The following CHD8 variants were observed in gnomAD, a reference collection of about 807,000 sequenced individuals.
The protein encoded by CHD8 is chromodomain helicase DNA binding protein 8.
A neutral mutation model predicts 279.2 loss-of-function variants in CHD8; 31 were observed. That is an observed-to-expected ratio of 0.11 (90% CI 0.08 to 0.15). CHD8 has a LOEUF of 0.15. CHD8 is among the 10% of genes least tolerant of loss of function. CHD8 has a pLI of 1.00. For missense variants in CHD8, 2,146 were observed against 3,230.5 expected, an observed-to-expected ratio of 0.66 and a Z score of 8.14; for synonymous variants, 1,081 against 1,139.6, an observed-to-expected ratio of 0.95 and a Z score of 1.04.
At chr14:21,419,133 TCTA>T (rs931593860) in intron 5 of CHD8, among the ~76,000 whole-genome samples, 12 of 152,256 alleles carry the variant, frequency 7.9e-5, no homozygotes. Flanking sequence ...GAAGATACTT[TCTA>T]CTTTTTACTT....
At position 21,408,950 on chromosome 14, in the gene CHD8, T is replaced by C. The variant is rs1391524697; in HGVS notation, c.2365-125A>G. Reference sequence around the variant, plus strand: ...TGTTTGGATTAAAACATGTCAAATATATTTAAATTTATGAGTTCATAACGT... The same window carrying C: ...TGTTTGGATTAAAACATGTCAAATACATTTAAATTTATGAGTTCATAACGT... On this transcript the variant is annotated intron_variant, in intron 11 of 37. Transcript: ENST00000646647. This position sits in a 1 kb window ranked among gnomAD's most constrained non-coding sequence, Gnocchi z 4.3. 9 of 995,032 alleles carry C rather than the reference T, an allele frequency of 9.0e-6. No homozygotes were observed. The highest frequency in any genetic ancestry group is 1.0e-5 in the Non-Finnish European group (7 of 692,788). The allele number at this position is 995,032 out of a possible 1,614,324, so 61.6% of individuals were successfully genotyped here. A position where few individuals can be genotyped will look rare whatever the true frequency, so the allele number is the denominator to read the frequency against.
At chr14:21,449,849 G>A (rs1186407002) in intron 1 of CHD8, among the ~76,000 whole-genome samples, 1 of 152,164 alleles carries the variant, frequency 6.6e-6, no homozygotes, top group Non-Finnish European at 1.5e-5. Context: ...ACTTTCAGGA[G>A]CGTAGTGAAA....
chr14:21,401,826 T>C, intron 20 of CHD8, 131 bp downstream of exon 20: 1 of 815,752 alleles, frequency 1.2e-6, no homozygotes, highest in Non-Finnish European at 1.9e-6. Context: ...CCTCAAGTGA[T>C]CTGCCCGCCT....
In CHD8 at chr14:21,408,272, C is replaced by A; in HGVS notation, c.2730+40G>T. The A allele has an allele frequency of 3.1e-6, 5 of 1,593,226 alleles. No individual in the cohort carries two copies. The highest frequency in any genetic ancestry group is 4.3e-6 in the Non-Finnish European group (5 of 1,169,096). On this transcript the variant is annotated intron_variant, in intron 13 of 37. Coordinates refer to ENST00000646647, the MANE Select transcript of CHD8 (RefSeq NM_001170629.2). This position sits in a 1 kb window ranked among gnomAD's most constrained non-coding sequence, Gnocchi z 4.3. ...TTAAAATACCAGGTACCTTGGCCGA[C>A]TTTCTCTAACTCATAGTATTCCCAA...
Position 21,394,106 on chromosome 14 carries a change from G to A in CHD8, c.5689C>T (p.Arg1897Trp). 6.2e-7 allele frequency: 1 copy of A among 1,613,716 alleles called. No homozygotes were observed. The highest frequency in any genetic ancestry group is 8.5e-7 in the Non-Finnish European group (1 of 1,179,794). The change falls in exon 32 of 38, where the codon CGG becomes TGG. Residue 1897 changes from arginine to tryptophan, a missense_variant. Physicochemically the swap from Arg to Trp is moderately radical, Grantham distance 101. This residue lies in a region of CHD8 where 513 missense variants were observed against 637.6 expected (regional missense o/e 0.80). Transcript: ENST00000646647. Reference sequence around the variant, plus strand: ...AGGGGGTGGCATAAAACTTGTTCCCGTAAGCGCCGAAGCAATTCTATACGG... The same window carrying A: ...AGGGGGTGGCATAAAACTTGTTCCCATAAGCGCCGAAGCAATTCTATACGG... ...LYRIELLRRL[R>W]EQVLCHPLLE...
Position 21,391,935 on chromosome 14 carries a change from C to T in CHD8, c.6783G>A (p.Leu2261=). The T allele has an allele frequency of 6.2e-7, 1 of 1,612,958 alleles. No individual in the cohort carries two copies. Among genetic ancestry groups the T allele is most frequent in the Middle Eastern group, 1.7e-4 (1 of 6,060 alleles). The change falls in exon 35 of 38, where the codon TTG becomes TTA. Residue 2261 remains leucine, a synonymous_variant. Transcript: ENST00000646647. ...ACTTGTGCTTCTGGAATGTTAACTT[C>T]AATCCTTCCTCCTAGGAAGACAACC... ...FTVQIKDEEG[L]KLTFQKHKLM... is the part of the protein sequence containing the mutation.
rs908060624 is a variant in CHD8 at position 21,437,443 on chromosome 14, G to A, written c.-215-5585C>T. ...AGAGGCCTATCCGGTTTCTAGGGCCGAGGCGAAGCCTGCAGCTTGCTTGAA... is the reference window on the plus strand; with the variant it reads ...AGAGGCCTATCCGGTTTCTAGGGCCAAGGCGAAGCCTGCAGCTTGCTTGAA... On this transcript the variant is annotated intron_variant, in intron 1 of 37. Transcript: ENST00000646647. The A allele has an allele frequency of 1.5e-4, 29 of 191,646 alleles. 1 individual carries two copies. The highest frequency in any genetic ancestry group is 1.4e-3 in the Admixed American group (25 of 17,840). 11.9% of individuals were successfully genotyped at this position (191,646 alleles called of 1,614,324 possible).
At position 21,400,059 on chromosome 14, in the gene CHD8, C is replaced by T. The variant is rs777625367; in HGVS notation, c.4739G>A (p.Arg1580Gln). Residue 1580 changes from arginine to glutamine, a missense_variant, in exon 25 of 38, where the codon CGG (arginine) becomes CAG (glutamine). By Grantham distance (43) the Arg-to-Gln change is conservative (BLOSUM62 1). This residue lies in a region of CHD8 where 4 missense variants were observed against 33.0 expected (regional missense o/e 0.12). Coordinates refer to ENST00000646647, the MANE Select transcript of CHD8 (RefSeq NM_001170629.2). The surrounding 1 kb of genome is among the most constrained non-coding windows in gnomAD (Gnocchi z 4.2). ...CCTCAGGTAGTATAGCATTCGTACC[C>T]GCAACAGTACCCTAGAAAGGACAGA... ...LKHQCNKVLL[R>Q]VRMLYYLRQE... 3 of 1,613,504 alleles carry T rather than the reference C, an allele frequency of 1.9e-6. No individual in the cohort carries two copies. The highest frequency in any genetic ancestry group is 2.2e-5 in the South Asian group (2 of 91,080).
At chr14:21,455,589 T>C (rs1195138682) in intron 1 of CHD8, among the ~76,000 whole-genome samples, 1 of 152,082 alleles carries the variant, frequency 6.6e-6, no homozygotes, top group African/African-American at 2.4e-5. Flanking sequence ...CCCACCTTTA[T>C]TATTAAAATA....
In CHD8 at chr14:21,385,981, A is replaced by G. The variant is rs530890042; in HGVS notation, c.7378T>C (p.Leu2460=). 1 of 1,577,474 alleles carries G rather than the reference A, an allele frequency of 6.3e-7. No individual in the cohort carries two copies. The highest frequency in any genetic ancestry group is 1.2e-5 in the South Asian group (1 of 85,770). ...SSSGLQSVSS[L]GHSSATSASL... ...GCAGAAGTGGCACTGCTGTGACCCAAAGATGACACAGACTGTAGGCCACTA... is the reference window on the plus strand; with the variant it reads ...GCAGAAGTGGCACTGCTGTGACCCAGAGATGACACAGACTGTAGGCCACTA... The change falls in exon 38 of 38, where the codon TTG becomes CTG. Residue 2460 remains leucine (L), a synonymous_variant. Coordinates refer to ENST00000646647, the MANE Select transcript of CHD8 (RefSeq NM_001170629.2).
At position 21,400,326 on chromosome 14, in the gene CHD8, C is replaced by G; in HGVS notation, c.4571-19G>C. 6.2e-6 allele frequency: 10 copies of G among 1,613,252 alleles called. No homozygotes were observed. Among genetic ancestry groups the G allele is most frequent in the Non-Finnish European group, 7.6e-6 (9 of 1,179,676 alleles). ...GATAGACCTGGGAAAGGGGAGACAT[C>G]AAAGACTTGGATTGAGAAAAACCCT... is the stretch of plus-strand genomic sequence containing the variant. On this transcript the variant is annotated intron_variant, in intron 23 of 37. Coordinates refer to ENST00000646647, the MANE Select transcript of CHD8 (RefSeq NM_001170629.2). The surrounding 1 kb of genome is among the most constrained non-coding windows in gnomAD (Gnocchi z 4.2).
chr14:21,432,669 C>G (rs1166510030), intron 1 of CHD8, among the ~76,000 whole-genome samples: 2 of 152,186 alleles, frequency 1.3e-5, no homozygotes, highest in Non-Finnish European at 2.9e-5. Flanking sequence ...CACGTCCTCT[C>G]CATCCCAATG....
In CHD8 at chr14:21,400,348, C is replaced by T. The variant is rs369237386; in HGVS notation, c.4571-41G>A. Reference sequence around the variant, plus strand: ...CATCAAAGACTTGGATTGAGAAAAACCCTTGGACCTGAAAAGGATTAGATT... The same window carrying T: ...CATCAAAGACTTGGATTGAGAAAAATCCTTGGACCTGAAAAGGATTAGATT... On this transcript the variant is annotated intron_variant, in intron 23 of 37. Transcript: ENST00000646647. The surrounding 1 kb of genome is among the most constrained non-coding windows in gnomAD (Gnocchi z 4.2). The T allele has an allele frequency of 3.0e-5, 48 of 1,610,156 alleles. No individual in the cohort carries two copies. Among genetic ancestry groups the T allele is most frequent in the African/African-American group, 5.4e-5 (4 of 74,514 alleles).
Position 21,405,704 on chromosome 14 carries a change from T to C in CHD8, c.3051+17A>G, listed in dbSNP as rs1157446177. 4 of 1,612,902 alleles carry C rather than the reference T, an allele frequency of 2.5e-6. No individual in the cohort carries two copies. The highest frequency in any genetic ancestry group is 2.7e-5 in the African/African-American group (2 of 74,862). On this transcript the variant is annotated intron_variant, in intron 15 of 37. Transcript: ENST00000646647. This position sits in a 1 kb window ranked among gnomAD's most constrained non-coding sequence, Gnocchi z 4.2. ...TTCTTTGTCCTGAGTTAGTACCTCA[T>C]CAGATAGATTTCCTACCTGTTCCTC...
chr14:21,396,326 A>T (rs1671552387), intron 27 of CHD8, among the ~76,000 whole-genome samples: 1 of 151,268 alleles, frequency 6.6e-6, no homozygotes, highest in Non-Finnish European at 1.5e-5. Flanking sequence ...ATATTCTTTG[A>T]CACAGAGTCT....
chr14:21,397,727 T>G, intron 27 of CHD8, 96 bp downstream of exon 27: 3 of 1,289,728 alleles, frequency 2.3e-6, no homozygotes, highest in Non-Finnish European at 2.2e-6. Context: ...CACTTTTGAG[T>G]ATAATTACAA....
rs900914276 is a variant in CHD8 at position 21,430,843 on chromosome 14, G to C, written c.801C>G (p.Pro267=). Residue 267 remains proline (P), a synonymous_variant, in exon 2 of 38, where the codon CCC becomes CCG. Coordinates refer to ENST00000646647, the MANE Select transcript of CHD8 (RefSeq NM_001170629.2). ...TCAGTGTAACTGCAGGCTTCAGTGG[G>C]GGCCCTGTGGCCCCAGGGTTTCCAG... ...APAGNPGATG[P]PLKPAVTLTS... 3 of 1,599,120 alleles carry C rather than the reference G, an allele frequency of 1.9e-6. No homozygotes were observed. The African/African-American group carries it at 4.0e-5, about 21-fold the overall frequency.
intron 1 of CHD8, chr14:21,436,971 G>A: frequency 7.8e-7 from 1 of 1,284,698 alleles, no homozygotes; most frequent in South Asian, 1.2e-5. Flanking sequence ...GGTAACTGGA[G>A]ACCCCAAAAT....
rs1273177494 is a variant in CHD8, at chr14:21,394,068, C to A, written c.5727G>T (p.Arg1909=). The A allele has an allele frequency of 1.2e-6, 2 of 1,613,894 alleles. No individual in the cohort carries two copies. The highest frequency in any genetic ancestry group is 1.1e-5 in the South Asian group (1 of 91,076). The part of the protein sequence containing the change: ...QVLCHPLLED[R]LALCQPPGPE... Reference sequence around the variant, plus strand: ...GACCAGGAGGCTGACACAATGCCAGCCGATCTTCCAAAAGGGGGTGGCATA... The same window carrying A: ...GACCAGGAGGCTGACACAATGCCAGACGATCTTCCAAAAGGGGGTGGCATA... The change falls in exon 32 of 38, where the codon CGG becomes CGT. Residue 1909 remains arginine (R), a synonymous_variant. Coordinates refer to ENST00000646647, the MANE Select transcript of CHD8 (RefSeq NM_001170629.2).
Sources: gnomAD v4.1 joint callset for allele counts (sites outside exome capture counted in the v4.1 genomes callset) on GRCh38, gnomAD v4.1.1 for gene constraint, gnomAD v4.1.1 regional missense constraint, Gnocchi (gnomAD v3.1) non-coding constraint, MANE v1.5 for transcripts, NCBI Gene and HGNC (gene_info 2026-07-23, HGNC 2026-07-21) for gene names.